Variants in TSPEAR observed in about 807,000 individuals in gnomAD.
TSPEAR encodes thrombospondin type laminin G domain and EAR repeats.
In TSPEAR, 69 loss-of-function variants were observed where a neutral mutation model predicts 71.6. That is an observed-to-expected ratio of 0.96 (90% confidence interval 0.79 to 1.18). The LOEUF is 1.18. Among genes scored for constraint, TSPEAR ranks in the 50% most tolerant of loss-of-function variants. TSPEAR has a pLI of 0.00. For synonymous variants in TSPEAR, 402 were observed against 387.2 expected (o/e 1.04, Z -0.45); for missense variants, 971 against 894.9 (o/e 1.09, Z -1.09).
intron 1 of TSPEAR, chr21:44,658,134 C>A: frequency 6.2e-7 from 1 of 1,613,898 alleles, no homozygotes; most frequent in East Asian, 2.2e-5. Context: ...TCCTGCCAGC[C>A]CTCCGTGTGC....
At chr21:44,602,420 G>C (rs1035335526) in intron 1 of TSPEAR, among the ~76,000 whole-genome samples, 2 of 152,230 alleles carry the variant, frequency 1.3e-5, no homozygotes, top group Non-Finnish European at 2.9e-5. Flanking sequence ...CCAGAAACTG[G>C]GTTGTGTCCA....
chr21:44,580,616 GGTGTGAGTGAGTGAGT>G lies in TSPEAR; in HGVS notation c.83-12627_83-12612del, dbSNP rs782513194. ...AAGACGTGAGCTGGGAGCTGGGGGAGGTGTGAGTGAGTGAGTGTGTGAGTGAGTGAAGGAGGGAGTG... is the reference window on the plus strand; with the variant it reads ...AAGACGTGAGCTGGGAGCTGGGGGAGGTGTGAGTGAGTGAAGGAGGGAGTG... On this transcript the variant is annotated intron_variant, in intron 1 of 11. Coordinates refer to ENST00000323084, the MANE Select transcript of TSPEAR (RefSeq NM_144991.3). 2.0e-5 allele frequency: 32 copies of G among 1,580,466 alleles called. No homozygotes were observed. The African/African-American group carries it at 3.6e-4, about 18-fold the overall frequency.
intron 2 of TSPEAR, among the ~76,000 whole-genome samples, chr21:44,548,421 T>C (rs2053337992): frequency 1.3e-5 from 2 of 152,128 alleles, no homozygotes; most frequent in Admixed American, 6.5e-5. Context: ...TCAGATAAAA[T>C]TGAACTCCAC....
intron 9 of TSPEAR, among the ~76,000 whole-genome samples, chr21:44,511,369 C>T (rs911728527): frequency 6.7e-6 from 1 of 150,280 alleles, no homozygotes; most frequent in Non-Finnish European, 1.5e-5. Context: ...TGTACACACA[C>T]ACATATATGC....
intron 1 of TSPEAR, among the ~76,000 whole-genome samples, chr21:44,675,448 A>G (rs1601554067): frequency 1.3e-5 from 2 of 152,240 alleles, no homozygotes; most frequent in Admixed American, 6.5e-5. Context: ...GCCATGTATG[A>G]CAGACCCACA....
At chr21:44,508,745 GTGT>G in intron 10 of TSPEAR, 1 of 1,265,628 alleles carries the variant, frequency 7.9e-7, no homozygotes, top group Non-Finnish European at 1.0e-6. Context: ...CCGTGTCCTG[GTGT>G]TTGTTGTCGG....
chr21:44,698,644 G>A (rs1377787807), intron 1 of TSPEAR, among the ~76,000 whole-genome samples: 1 of 152,218 alleles, frequency 6.6e-6, no homozygotes, highest in Non-Finnish European at 1.5e-5. Flanking sequence ...AGTCCTGGCT[G>A]CAGACAGAGA....
At chr21:44,532,331 G>A (rs1337422393) in intron 3 of TSPEAR, among the ~76,000 whole-genome samples, 1 of 152,212 alleles carries the variant, frequency 6.6e-6, no homozygotes, top group Non-Finnish European at 1.5e-5. Context: ...GTCATTCCTA[G>A]CTGCTGTGGC....
chr21:44,523,255 CAGTT>C (rs1196693648), intron 8 of TSPEAR, among the ~76,000 whole-genome samples: 119 of 151,274 alleles, frequency 7.9e-4, no homozygotes, highest in African/African-American at 2.5e-3. Context: ...GTCAGTCAGT[CAGTT>C]AGCCAGCCAG....
rs1555914851 is a variant in TSPEAR, at chr21:44,525,738, C to G, written c.1251G>C (p.Gln417His). 9.3e-6 allele frequency: 15 copies of G among 1,614,070 alleles called. No individual in the cohort carries two copies. Among genetic ancestry groups the G allele is most frequent in the East Asian group, 2.2e-5 (1 of 44,902 alleles). ...CTCGGGCGCTGTGTGTGGCAATGCTCTGATATGGGGTAAACTTCAGCTTTC... is the reference window on the plus strand; with the variant it reads ...CTCGGGCGCTGTGTGTGGCAATGCTGTGATATGGGGTAAACTTCAGCTTTC... ...SHRKLKFTPYQSIATHSARDW... is the reference protein window; with the variant it reads ...SHRKLKFTPYHSIATHSARDW... The change falls in exon 8 of 12, where the codon CAG becomes CAC. Residue 417 changes from glutamine to histidine, a missense_variant. Gln to His is a conservative substitution (Grantham distance 24). Transcript: ENST00000323084.
chr21:44,703,363 T>G (rs1259586173), intron 1 of TSPEAR, among the ~76,000 whole-genome samples: 1 of 152,220 alleles, frequency 6.6e-6, no homozygotes, highest in African/African-American at 2.4e-5. Flanking sequence ...AATCCAGGAT[T>G]CAGGTGGTGA....
chr21:44,586,845 A>C (rs9979056), intron 1 of TSPEAR, among the ~76,000 whole-genome samples: 1 of 152,218 alleles, frequency 6.6e-6, no homozygotes, highest in African/African-American at 2.4e-5. Flanking sequence ...CAGCATCTCT[A>C]TGATTAAAAC....
rs423120 is a variant in TSPEAR, at chr21:44,637,526, A to T, written c.83-69521T>A. On this transcript the variant is annotated intron_variant, in intron 1 of 11. Transcript: ENST00000323084. ...GCCCTGCTGCTGTGCCCCAGCCCCC[A>T]GCTTGACCCTGGTCTGCACCCCAGT... 2.1e-4 allele frequency: 343 copies of T among 1,613,392 alleles called. No individual in the cohort carries two copies. The African/African-American group carries it at 3.7e-3, about 17-fold the overall frequency.
chr21:44,677,555 G>C (rs138711658), intron 1 of TSPEAR: 17 of 871,394 alleles, frequency 2.0e-5, no homozygotes, highest in Non-Finnish European at 3.3e-5. Flanking sequence ...TAGAAGATGA[G>C]GATGCTTCTT....
chr21:44,500,017 A>G, intron 11 of TSPEAR, 81 bp from the exon 12 acceptor site: 1 of 1,436,070 alleles, frequency 7.0e-7, no homozygotes, highest in East Asian at 2.7e-5. Flanking sequence ...CCGCGCTGTC[A>G]GGGACCCAGC....
intron 1 of TSPEAR, among the ~76,000 whole-genome samples, chr21:44,625,743 G>T (rs1306017910): frequency 6.6e-6 from 1 of 152,218 alleles, no homozygotes; most frequent in African/African-American, 2.4e-5. Context: ...GGCCACCACT[G>T]TGGGGCTCAC....
intron 1 of TSPEAR, among the ~76,000 whole-genome samples, chr21:44,700,419 G>A (rs1473531229): frequency 1.3e-5 from 2 of 152,124 alleles, no homozygotes; most frequent in African/African-American, 4.8e-5. Flanking sequence ...CAGCGATGAA[G>A]GACGGGAGAG....
intron 1 of TSPEAR, among the ~76,000 whole-genome samples, chr21:44,685,765 A>G (rs1337738045): frequency 1.3e-5 from 2 of 152,206 alleles, no homozygotes; most frequent in African/African-American, 4.8e-5. Context: ...GGTAATGACC[A>G]TGGATCCCAG....
At chr21:44,620,772 C>T (rs1982386491) in intron 1 of TSPEAR, among the ~76,000 whole-genome samples, 1 of 152,172 alleles carries the variant, frequency 6.6e-6, no homozygotes, top group Admixed American at 6.5e-5. Context: ...TGAGATGTTT[C>T]TATTTTTTTA....
Sources: gnomAD v4.1 joint callset for allele counts (sites outside exome capture counted in the v4.1 genomes callset) on GRCh38, gnomAD v4.1.1 for gene constraint, MANE v1.5 for transcripts, NCBI Gene and HGNC (gene_info 2026-07-23, HGNC 2026-07-21) for gene names.